Variants in WIPF2 observed in about 807,000 individuals in gnomAD.
The protein encoded by WIPF2 is WAS/WASL interacting protein family member 2, also known as WAS/WASL-interacting protein family member 2.
In WIPF2, 23 loss-of-function variants were observed where a neutral mutation model predicts 38.8. The observed-to-expected ratio is 0.59, with a 90% CI of 0.43 to 0.84. The LOEUF is 0.84. Among genes scored for constraint, WIPF2 ranks in the 40% least tolerant of loss-of-function variants. The probability of loss-of-function intolerance (pLI) is 0.00; values close to 1 mark genes in which losing one functional copy is unlikely to be tolerated. For missense variants in WIPF2, 574 were observed against 580.5 expected, an observed-to-expected ratio of 0.99 and a Z score of 0.11; for synonymous variants, 210 against 223.2, an observed-to-expected ratio of 0.94 and a Z score of 0.53.
At chr17:40,246,692 T>G (rs2031378100) in intron 1 of WIPF2, among the ~76,000 whole-genome samples, 1 of 152,086 alleles carries the variant, frequency 6.6e-6, no homozygotes, top group Admixed American at 6.6e-5. Context: ...CCACTGCGCC[T>G]GGCTAGGCCT....
intron 6 of WIPF2, among the ~76,000 whole-genome samples, chr17:40,274,947 A>AAC (rs1039758942): frequency 6.6e-6 from 1 of 150,818 alleles, no homozygotes; most frequent in African/African-American, 2.4e-5. Flanking sequence ...AAAAAAAAAA[A>AAC]AAAAAAAGTC....
chr17:40,234,635 G>A (rs538911056), intron 1 of WIPF2, among the ~76,000 whole-genome samples: 7 of 152,036 alleles, frequency 4.6e-5, no homozygotes, highest in African/African-American at 1.7e-4. Context: ...CAAAAAAAAA[G>A]GAAAACCATT....
chr17:40,272,097 G>A (rs1445889437), intron 5 of WIPF2, among the ~76,000 whole-genome samples: 1 of 151,020 alleles, frequency 6.6e-6, no homozygotes, highest in African/African-American at 2.4e-5. Context: ...TTGGATCACC[G>A]CAACCTCCGC....
chr17:40,230,339 C>G (rs992565326), intron 1 of WIPF2, among the ~76,000 whole-genome samples: 1 of 151,680 alleles, frequency 6.6e-6, no homozygotes, highest in Non-Finnish European at 1.5e-5. Context: ...GACCCTGTTT[C>G]AAAAAACAAC....
intron 1 of WIPF2, among the ~76,000 whole-genome samples, chr17:40,250,413 T>G (rs11870529): frequency 6.8e-6 from 1 of 146,670 alleles, no homozygotes; most frequent in Non-Finnish European, 1.5e-5. Context: ...TGTATTTTTG[T>G]ATTTTTTTTT....
At chr17:40,220,599 A>ACG (rs2030166101) in intron 1 of WIPF2, 1 of 83,112 alleles carries the variant, frequency 1.2e-5, no homozygotes, top group African/African-American at 5.4e-5. Flanking sequence ...ATATATATAT[A>ACG]TATATATATA....
At chr17:40,276,520 C>CAAAAAA (rs1160459322) in intron 6 of WIPF2, among the ~76,000 whole-genome samples, 10 of 71,594 alleles carry the variant, frequency 1.4e-4, no homozygotes, top group Admixed American at 1.9e-4. Flanking sequence ...GACTCCGTCT[C>CAAAAAA]AAAAAAAAAA....
Position 40,278,297 on chromosome 17 carries a change from C to G in WIPF2, c.*72C>G. On this transcript the variant is annotated 3_prime_UTR_variant, in exon 8 of 8. Transcript: ENST00000323571. ...CTTCTCAGATGGTCCCTTCCATTCC[C>G]CTGAAACCTGCATGAGAGCTCCTAA... 1 of 1,554,918 alleles carries G rather than the reference C, an allele frequency of 6.4e-7. No individual in the cohort carries two copies. Among genetic ancestry groups the G allele is most frequent in the Non-Finnish European group, 8.8e-7 (1 of 1,136,774 alleles).
chr17:40,264,400 T>C, intron 4 of WIPF2, 90 bp from the exon 5 acceptor site: 2 of 969,888 alleles, frequency 2.1e-6, no homozygotes. Context: ...CCTGCTGCCA[T>C]GCAGGTTGCA....
chr17:40,240,473 T>C (rs2031150639), intron 1 of WIPF2, among the ~76,000 whole-genome samples: 1 of 152,016 alleles, frequency 6.6e-6, no homozygotes, highest in Admixed American at 6.6e-5. Flanking sequence ...GAAGTTCATC[T>C]GTGGTGGGAA....
In WIPF2 at chr17:40,281,302, T is replaced by G. The variant is rs1409322043; in HGVS notation, c.*3077T>G. On this transcript the variant is annotated 3_prime_UTR_variant, in exon 8 of 8. Transcript: ENST00000323571. ...TCCCTAATGGGAAAAACGTTATAGTTGTTTCTTACTGCCCTGTCTGGGAAG... is the reference window on the plus strand; with the variant it reads ...TCCCTAATGGGAAAAACGTTATAGTGGTTTCTTACTGCCCTGTCTGGGAAG... 1 of 152,188 alleles carries G rather than the reference T, an allele frequency of 6.6e-6. No individual in the cohort carries two copies. Among genetic ancestry groups the G allele is most frequent in the East Asian group, 1.9e-4 (1 of 5,196 alleles). 9.4% of individuals were successfully genotyped at this position (152,188 alleles called of 1,614,324 possible).
chr17:40,232,265 C>T (rs1489036535), intron 1 of WIPF2, among the ~76,000 whole-genome samples: 1 of 144,930 alleles, frequency 6.9e-6, no homozygotes, highest in East Asian at 2.1e-4. Flanking sequence ...TCTCAGCTCA[C>T]TGCAGTCTGT....
chr17:40,262,422 T>C, intron 3 of WIPF2, 103 bp from the exon 4 acceptor site: 1 of 880,850 alleles, frequency 1.1e-6, no homozygotes, highest in South Asian at 1.6e-5. Flanking sequence ...GACTGGTTTG[T>C]TTGCAAGCGA....
chr17:40,274,025 C>A (rs1158428632), intron 6 of WIPF2, 26 bp downstream of exon 6: 1 of 1,507,414 alleles, frequency 6.6e-7, no homozygotes, highest in Non-Finnish European at 8.9e-7. Context: ...TCTGTAGTCT[C>A]ATGGTTCCTG....
At chr17:40,255,556 C>T (rs1478468281) in intron 1 of WIPF2, among the ~76,000 whole-genome samples, 1 of 151,556 alleles carries the variant, frequency 6.6e-6, no homozygotes, top group Non-Finnish European at 1.5e-5. Flanking sequence ...AACTCCCAAT[C>T]TCAGGTGATC....
intron 1 of WIPF2, among the ~76,000 whole-genome samples, chr17:40,256,033 G>A (rs559318942): frequency 9.9e-4 from 148 of 150,240 alleles, no homozygotes; most frequent in Non-Finnish European, 1.8e-3. Flanking sequence ...GTTCTAGGCT[G>A]CAGTGAGCCA....
intron 4 of WIPF2, 79 bp downstream of exon 4, chr17:40,262,720 G>A: frequency 3.3e-6 from 4 of 1,194,420 alleles, no homozygotes; most frequent in Non-Finnish European, 5.0e-6. Context: ...CTCAGGTTGA[G>A]GAGTATGGTA....
intron 1 of WIPF2, among the ~76,000 whole-genome samples, chr17:40,220,989 A>G (rs946414454): frequency 2.0e-5 from 3 of 151,766 alleles, no homozygotes; most frequent in Admixed American, 1.3e-4. Context: ...TGTGTTAGCC[A>G]GGATGGATGG....
In WIPF2 at chr17:40,256,395, A is replaced by G; in HGVS notation, c.-65A>G. 1 of 1,573,366 alleles carries G rather than the reference A, an allele frequency of 6.4e-7. No homozygotes were observed. The highest frequency in any genetic ancestry group is 8.6e-7 in the Non-Finnish European group (1 of 1,167,534). ...GAGTTTCTTTTTCATTTGCAGGTAT[A>G]TGAATGACCTAAAGGTACAAATAAA... On this transcript the variant is annotated 5_prime_UTR_variant, in exon 2 of 8. It adds an upstream start codon to the 5' untranslated region. Coordinates refer to ENST00000323571, the MANE Select transcript of WIPF2 (RefSeq NM_133264.5).
Sources: allele counts gnomAD v4.1 joint callset (sites outside exome capture counted in the v4.1 genomes callset), GRCh38; gene constraint gnomAD v4.1.1; transcripts MANE v1.5; gene names NCBI Gene and HGNC (gene_info 2026-07-23, HGNC 2026-07-21).